Variants in KIAA1328 observed in about 807,000 individuals in gnomAD.
KIAA1328 encodes protein hinderin.
Under a neutral mutation model 68.1 loss-of-function variants are expected in KIAA1328, and 52 were observed. The observed-to-expected ratio is 0.76, with a 90% confidence interval of 0.61 to 0.96. KIAA1328 has a LOEUF of 0.96. KIAA1328 is among the 40% of genes least tolerant of loss of function. KIAA1328 has a pLI of 0.00. For missense variants in KIAA1328, 641 were observed against 677.6 expected (o/e 0.95, Z 0.60); for synonymous variants, 232 against 239.4 (o/e 0.97, Z 0.28).
intron 4 of KIAA1328, among the ~76,000 whole-genome samples, chr18:36,873,226 A>T (rs1252381039): frequency 6.6e-6 from 1 of 152,178 alleles, no homozygotes; most frequent in African/African-American, 2.4e-5. Context: ...ACCAGGTGGC[A>T]TCTTCAGCAG....
intron 5 of KIAA1328, among the ~76,000 whole-genome samples, chr18:36,943,381 GTCTTAAAACACAGTCTGTCAT>G (rs1402327101): frequency 6.6e-6 from 1 of 152,116 alleles, no homozygotes; most frequent in Non-Finnish European, 1.5e-5. Context: ...TGATCTGTGT[GTCTTAAAACACAGTCTGTCAT>G]TCTACATGGT....
intron 6 of KIAA1328, among the ~76,000 whole-genome samples, chr18:37,049,602 C>G (rs551859976): frequency 5.9e-5 from 9 of 152,238 alleles, no homozygotes; most frequent in African/African-American, 2.2e-4. Flanking sequence ...TAAATCTCTT[C>G]GGTTTGGTAG....
intron 7 of KIAA1328, among the ~76,000 whole-genome samples, chr18:37,083,716 G>C (rs547373128): frequency 6.6e-6 from 1 of 152,320 alleles, no homozygotes; most frequent in East Asian, 1.9e-4. Context: ...AGAAGTGGGT[G>C]CTTCCCATAT....
At chr18:37,032,550 AT>A (rs2054872255) in intron 6 of KIAA1328, among the ~76,000 whole-genome samples, 1 of 151,344 alleles carries the variant, frequency 6.6e-6, no homozygotes, top group South Asian at 2.1e-4. Context: ...TTTTAAAGGA[AT>A]TTCTTTCTGA....
intron 5 of KIAA1328, among the ~76,000 whole-genome samples, chr18:36,905,507 A>G (rs1039696382): frequency 6.6e-6 from 1 of 152,126 alleles, no homozygotes; most frequent in Non-Finnish European, 1.5e-5. Context: ...TGTCTGGCAG[A>G]CTTTCATTAA....
chr18:37,025,044 T>A (rs1481351433), intron 6 of KIAA1328, among the ~76,000 whole-genome samples: 2 of 152,128 alleles, frequency 1.3e-5, no homozygotes, highest in African/African-American at 4.8e-5. Context: ...CACCTGTTGT[T>A]TCCTGACTTT....
chr18:36,853,411 A>AT (rs2047278867), intron 4 of KIAA1328, among the ~76,000 whole-genome samples: 1 of 151,704 alleles, frequency 6.6e-6, no homozygotes, highest in Non-Finnish European at 1.5e-5. Context: ...TTTCTGTTTG[A>AT]TTTTTTTCTA....
At chr18:37,095,466 A>C (rs72892531) in intron 7 of KIAA1328, among the ~76,000 whole-genome samples, 1 of 152,146 alleles carries the variant, frequency 6.6e-6, no homozygotes, top group Non-Finnish European at 1.5e-5. Flanking sequence ...ATTAAACAAC[A>C]TGCTCCCAAA....
chr18:37,131,630 A>G (rs2058523778), intron 7 of KIAA1328, among the ~76,000 whole-genome samples: 1 of 152,184 alleles, frequency 6.6e-6, no homozygotes, highest in Non-Finnish European at 1.5e-5. Context: ...TTTTTGCACA[A>G]CACAGCTCAA....
chr18:37,042,285 T>A (rs933455108), intron 6 of KIAA1328, among the ~76,000 whole-genome samples: 2 of 152,284 alleles, frequency 1.3e-5, no homozygotes, highest in South Asian at 4.1e-4. Context: ...AATACATATA[T>A]ACCTTTACCT....
intron 4 of KIAA1328, among the ~76,000 whole-genome samples, chr18:36,867,934 C>A (rs2047811547): frequency 6.6e-6 from 1 of 152,158 alleles, no homozygotes; most frequent in South Asian, 2.1e-4. Context: ...ATAAAGAAAT[C>A]TCTGGTTCAT....
intron 7 of KIAA1328, among the ~76,000 whole-genome samples, chr18:37,068,819 C>T (rs1367715577): frequency 6.6e-6 from 1 of 151,922 alleles, no homozygotes; most frequent in Non-Finnish European, 1.5e-5. Flanking sequence ...GAGACAGGCT[C>T]TCACTCTGTT....
Position 37,067,143 on chromosome 18 carries a change from A to G in KIAA1328, c.830A>G (p.Lys277Arg). 2 of 1,614,050 alleles carry G rather than the reference A, an allele frequency of 1.2e-6. No homozygotes were observed. ...TTCNCESPGR[K>R]PAVPTEKMPQ... ...TGTAATTGTGAATCTCCAGGGAGAA[A>G]ACCTGCAGTCCCAACAGAGAAAATG... Residue 277 changes from lysine to arginine, a missense_variant, in exon 7 of 10, where the codon AAA becomes AGA. By Grantham distance (26) the Lys-to-Arg change is conservative. Coordinates refer to ENST00000280020, the MANE Select transcript of KIAA1328 (RefSeq NM_020776.3).
At chr18:36,859,719 G>A (rs1432865601) in intron 4 of KIAA1328, among the ~76,000 whole-genome samples, 1 of 151,396 alleles carries the variant, frequency 6.6e-6, no homozygotes, top group African/African-American at 2.4e-5. Context: ...CACAGTGTTG[G>A]GATTATAGGT....
At chr18:36,989,950 C>T (rs1313176743) in intron 6 of KIAA1328, among the ~76,000 whole-genome samples, 6 of 152,130 alleles carry the variant, frequency 3.9e-5, no homozygotes. Flanking sequence ...GCCTCGGCCT[C>T]CCAAAGTGCT....
chr18:36,935,001 A>G (rs927525969), intron 5 of KIAA1328, among the ~76,000 whole-genome samples: 1 of 152,204 alleles, frequency 6.6e-6, no homozygotes, highest in Non-Finnish European at 1.5e-5. Flanking sequence ...GAGACCACGT[A>G]ATTCTTACTC....
chr18:36,889,444 G>T (rs1391560749), intron 5 of KIAA1328, among the ~76,000 whole-genome samples: 2 of 152,136 alleles, frequency 1.3e-5, no homozygotes, highest in African/African-American at 4.8e-5. Flanking sequence ...GTGAGCGGTG[G>T]TAAAAAGCTT....
intron 7 of KIAA1328, among the ~76,000 whole-genome samples, chr18:37,134,986 A>G (rs541538140): frequency 1.3e-5 from 2 of 152,330 alleles, no homozygotes; most frequent in South Asian, 4.1e-4. Context: ...TTTGCTTAGG[A>G]TAATGGCCTC....
intron 5 of KIAA1328, among the ~76,000 whole-genome samples, chr18:36,888,655 A>C (rs995010485): frequency 4.6e-5 from 7 of 152,172 alleles, no homozygotes; most frequent in African/African-American, 1.7e-4. Context: ...AATGACATTT[A>C]TGGTTTTTAT....
Sources: gnomAD v4.1 joint callset for allele counts (sites outside exome capture counted in the v4.1 genomes callset) on GRCh38, gnomAD v4.1.1 for gene constraint, MANE v1.5 for transcripts, NCBI Gene and HGNC (gene_info 2026-07-23, HGNC 2026-07-21) for gene names.